The following ZC3H12B variants were observed in gnomAD, a reference collection of about 807,000 sequenced individuals.
ZC3H12B encodes probable ribonuclease ZC3H12B.
A neutral mutation model predicts 43.9 loss-of-function variants in ZC3H12B; 7 were observed. The observed-to-expected ratio is 0.16, with a 90% CI of 0.09 to 0.30. ZC3H12B has a LOEUF of 0.30. Among genes scored for constraint, ZC3H12B ranks in the 10% least tolerant of loss-of-function variants. The probability of loss-of-function intolerance (pLI) is 1.00; values close to 1 mark genes in which losing one functional copy is unlikely to be tolerated. For missense variants in ZC3H12B, 475 were observed against 670.2 expected, an observed-to-expected ratio of 0.71 and a Z score of 3.22; for synonymous variants, 222 against 241.7, an observed-to-expected ratio of 0.92 and a Z score of 0.76.
chrX:65,447,792 C>T (rs1234812068), intron 3 of ZC3H12B, among the ~76,000 whole-genome samples: 2 of 111,443 alleles, frequency 1.8e-5, no homozygotes, highest in African/African-American at 3.3e-5. Flanking sequence ...CATGAATAGA[C>T]ATTTCTCAAA....
the ZC3H12B span, among the ~76,000 whole-genome samples, chrX:65,066,471 C>T: frequency 8.9e-6 from 1 of 111,827 alleles, no homozygotes; most frequent in African/African-American, 3.3e-5. Context: ...ACCATCGAGG[C>T]TGTAGAACAG....
At chrX:65,369,736 T>C (rs937711156) in intron 2 of ZC3H12B, among the ~76,000 whole-genome samples, 12 of 111,987 alleles carry the variant, frequency 1.1e-4, no homozygotes, top group Non-Finnish European at 2.3e-4. Context: ...ATATTATTAA[T>C]ACATAAGTGA....
the ZC3H12B span, among the ~76,000 whole-genome samples, chrX:65,054,296 G>C: frequency 1.8e-5 from 2 of 111,758 alleles, no homozygotes; most frequent in African/African-American, 6.5e-5. Flanking sequence ...TAAGGTGTAA[G>C]GAAGGGATCC....
At chrX:65,259,305 C>G in the ZC3H12B span, among the ~76,000 whole-genome samples, 1 of 111,784 alleles carries the variant, frequency 8.9e-6, no homozygotes, top group Non-Finnish European at 1.9e-5. Flanking sequence ...TGAAAACAAG[C>G]AATGAGGAAA....
chrX:65,230,730 C>A, the ZC3H12B span, among the ~76,000 whole-genome samples: 1 of 110,362 alleles, frequency 9.1e-6, no homozygotes, highest in Non-Finnish European at 1.9e-5. Flanking sequence ...CCCAGACAAA[C>A]AAAACCTATG....
At chrX:65,198,727 A>G in the ZC3H12B span, among the ~76,000 whole-genome samples, 1 of 111,567 alleles carries the variant, frequency 9.0e-6, no homozygotes, top group African/African-American at 3.3e-5. Flanking sequence ...TGGAACTTGG[A>G]TATTGATTTC....
At chrX:65,108,317 A>T in the ZC3H12B span, among the ~76,000 whole-genome samples, 2 of 111,893 alleles carry the variant, frequency 1.8e-5, no homozygotes, top group Non-Finnish European at 1.9e-5. Context: ...TATTTATAGT[A>T]ACACTTAGCT....
the ZC3H12B span, among the ~76,000 whole-genome samples, chrX:65,078,666 A>G: frequency 9.0e-6 from 1 of 111,670 alleles, no homozygotes; most frequent in African/African-American, 3.3e-5. Flanking sequence ...GTGTGACAAG[A>G]GAGTGACAAT....
the ZC3H12B span, among the ~76,000 whole-genome samples, chrX:65,130,862 T>G: frequency 9.0e-6 from 1 of 111,725 alleles, no homozygotes; most frequent in Non-Finnish European, 1.9e-5. Flanking sequence ...GCTAGCTGCT[T>G]TTTTAGCTAC....
At chrX:65,285,247 A>G in the ZC3H12B span, among the ~76,000 whole-genome samples, 3 of 109,789 alleles carry the variant, frequency 2.7e-5, no homozygotes, top group South Asian at 3.9e-4. Context: ...TACCTAATGT[A>G]TAGTATTTTA....
At chrX:65,247,955 A>G in the ZC3H12B span, among the ~76,000 whole-genome samples, 3 of 112,478 alleles carry the variant, frequency 2.7e-5, no homozygotes, top group Non-Finnish European at 5.6e-5. Flanking sequence ...AAAACTTATA[A>G]TAAAAGGCAA....
intron 3 of ZC3H12B, among the ~76,000 whole-genome samples, chrX:65,448,152 G>A (rs767466382): frequency 1.4e-4 from 16 of 110,642 alleles, no homozygotes; most frequent in East Asian, 1.1e-3. Context: ...GGAGAATGGC[G>A]TGAACCCAGG....
At chrX:65,429,610 G>T (rs1252356969) in intron 3 of ZC3H12B, among the ~76,000 whole-genome samples, 1 of 112,421 alleles carries the variant, frequency 8.9e-6, no homozygotes, top group Non-Finnish European at 1.9e-5. Context: ...TCCAAAGCTG[G>T]CAGGCTGGAG....
the ZC3H12B span, among the ~76,000 whole-genome samples, chrX:65,203,901 G>A: frequency 3.1e-4 from 35 of 112,051 alleles, 2 homozygotes; most frequent in Non-Finnish European, 4.7e-4. Flanking sequence ...TTCCTGAACT[G>A]AGGTTCCAAA....
intron 3 of ZC3H12B, among the ~76,000 whole-genome samples, chrX:65,450,282 C>T (rs182949547): frequency 3.2e-3 from 294 of 90,473 alleles, no homozygotes; most frequent in Non-Finnish European, 5.0e-3. Flanking sequence ...CCAGCCTGGG[C>T]GACAGAGCAA....
At chrX:65,046,512 G>A in the ZC3H12B span, among the ~76,000 whole-genome samples, 1 of 111,613 alleles carries the variant, frequency 9.0e-6, no homozygotes, top group African/African-American at 3.3e-5. Flanking sequence ...GAATTAAAAA[G>A]AGTTAGGGCC....
intron 3 of ZC3H12B, among the ~76,000 whole-genome samples, chrX:65,409,255 CTT>C (rs1310002836): frequency 9.2e-6 from 1 of 108,806 alleles, no homozygotes; most frequent in Non-Finnish European, 1.9e-5. Context: ...TGTGCAATGA[CTT>C]ATATAAATGA....
chrX:65,198,883 A>C, the ZC3H12B span, among the ~76,000 whole-genome samples: 1 of 111,563 alleles, frequency 9.0e-6, no homozygotes, highest in Non-Finnish European at 1.9e-5. Flanking sequence ...CTGGAGTGCG[A>C]TGGCATGATC....
At chrX:65,357,268 A>T in the ZC3H12B span, 1 of 348,434 alleles carries the variant, frequency 2.9e-6, no homozygotes, top group African/African-American at 2.6e-5. Flanking sequence ...GGATGGTAGG[A>T]TGACTGTTCA....
Sources: gnomAD v4.1 joint callset for allele counts (sites outside exome capture counted in the v4.1 genomes callset) on GRCh38, gnomAD v4.1.1 for gene constraint, MANE v1.5 for transcripts, NCBI Gene and HGNC (gene_info 2026-07-23, HGNC 2026-07-21) for gene names.